The following ACOT9 variants were observed in gnomAD, a reference collection of about 807,000 sequenced individuals.
ACOT9 encodes acyl-CoA thioesterase 9.
A neutral mutation model predicts 39.7 loss-of-function variants in ACOT9; 34 were observed. That is an observed-to-expected ratio of 0.86 (90% CI 0.65 to 1.14). The LOEUF is 1.14. ACOT9 is among the 50% of genes most tolerant of loss of function. The pLI, the probability that ACOT9 is intolerant of heterozygous loss-of-function variation, is 0.00. For synonymous variants in ACOT9, 110 were observed against 120.5 expected (o/e 0.91, Z 0.57); for missense variants, 313 against 344.1 (o/e 0.91, Z 0.71).
intron 3 of ACOT9, 46 bp downstream of exon 3, chrX:23,734,295 A>G (rs1194676521): frequency 8.7e-7 from 1 of 1,144,515 alleles, no homozygotes; most frequent in Non-Finnish European, 1.2e-6. Context: ...GTGCTTACAA[A>G]ATTTAAGCTC....
intron 9 of ACOT9, among the ~76,000 whole-genome samples, chrX:23,710,376 G>T (rs1928852439): frequency 9.0e-6 from 1 of 111,694 alleles, no homozygotes. Flanking sequence ...CCTGGGGCAG[G>T]AAATACGTAA....
chrX:23,728,428 T>C (rs12009956), intron 6 of ACOT9, among the ~76,000 whole-genome samples: 17,373 of 109,529 alleles, frequency 0.16, 1,197 homozygotes, highest in East Asian at 0.33. Context: ...CCATAGGAAA[T>C]TGGTCACATA....
At chrX:23,713,072 T>C (rs1052594518) in intron 9 of ACOT9, 63 bp downstream of exon 9, 6 of 939,754 alleles carry the variant, frequency 6.4e-6, no homozygotes, top group Admixed American at 2.4e-5. Flanking sequence ...TATAGTTTTC[T>C]CTCCAGTCTT....
chrX:23,713,525 G>A (rs767983223), intron 8 of ACOT9, among the ~76,000 whole-genome samples: 1 of 102,948 alleles, frequency 9.7e-6, no homozygotes, highest in South Asian at 4.5e-4. Context: ...GTTGCAGTGA[G>A]CCGAGATTGC....
intron 1 of ACOT9, among the ~76,000 whole-genome samples, chrX:23,742,619 C>G (rs891531011): frequency 9.0e-6 from 1 of 111,493 alleles, no homozygotes; most frequent in Admixed American, 9.6e-5. Flanking sequence ...GGGTCCTAGA[C>G]GCACAGTCCT....
intron 2 of ACOT9, among the ~76,000 whole-genome samples, chrX:23,735,219 T>C (rs1601822139): frequency 2.8e-5 from 2 of 70,856 alleles, no homozygotes; most frequent in African/African-American, 1.2e-4. Flanking sequence ...CCAGCCTGGG[T>C]GACAGAGCAA....
At chrX:23,712,709 C>G (rs1928942897) in intron 9 of ACOT9, among the ~76,000 whole-genome samples, 1 of 111,965 alleles carries the variant, frequency 8.9e-6, no homozygotes, top group Non-Finnish European at 1.9e-5. Flanking sequence ...CAACTTCCAC[C>G]TCCCAGAGTC....
intron 8 of ACOT9, among the ~76,000 whole-genome samples, chrX:23,716,588 G>A (rs1929088910): frequency 8.9e-6 from 1 of 112,195 alleles, no homozygotes; most frequent in Admixed American, 9.5e-5. Flanking sequence ...CCAGTGGTGA[G>A]CATTAAGAAG....
chrX:23,708,019 T>C (rs905468181), intron 9 of ACOT9, 75 bp from the exon 10 acceptor site: 42 of 904,756 alleles, frequency 4.6e-5, no homozygotes, highest in Non-Finnish European at 6.2e-5. Context: ...AACAATCACC[T>C]ACTACTTTTA....
At position 23,743,263 on chromosome X, in the gene ACOT9, G is replaced by C. The variant is rs969469781; in HGVS notation, c.-119C>G. 2.2e-5 allele frequency: 21 copies of C among 942,705 alleles called. No homozygotes were observed. The African/African-American group carries it at 2.6e-4, about 12-fold the overall frequency. 77.7% of individuals were successfully genotyped at this position (942,705 alleles called of 1,213,427 possible). On this transcript the variant is annotated 5_prime_UTR_variant, in exon 1 of 16. Transcript: ENST00000379303. ...ACCGCGCCCTTGCTGAGGACAGCCC[G>C]GGAGCCGGACAGCGGTGTCCGGGGG...
chrX:23,740,242 G>A (rs1930088840), intron 1 of ACOT9, among the ~76,000 whole-genome samples: 1 of 109,039 alleles, frequency 9.2e-6, no homozygotes, highest in African/African-American at 3.3e-5. Flanking sequence ...GAGCAGCTGG[G>A]ATTACAGCTG....
chrX:23,705,018 C>T lies in ACOT9; in HGVS notation c.1082G>A (p.Gly361Asp). 1 of 1,211,122 alleles carries T rather than the reference C, an allele frequency of 8.3e-7. No homozygotes were observed. The highest frequency in any genetic ancestry group is 1.1e-6 in the Non-Finnish European group (1 of 895,196). ...DIMFQKPVEVGSLLFLSSQVC... is the reference protein window; with the variant it reads ...DIMFQKPVEVDSLLFLSSQVC... ...CTGTGAAGAAAGAAAGAGCAATGAGCCAACCTCAACAGGTTTCTGAAACAT... is the reference window on the plus strand; with the variant it reads ...CTGTGAAGAAAGAAAGAGCAATGAGTCAACCTCAACAGGTTTCTGAAACAT... Residue 361 changes from glycine (G) to aspartate (D), a missense_variant, in exon 14 of 16, where the codon GGC becomes GAC. Gly to Asp is a moderately conservative substitution (Grantham distance 94). Transcript: ENST00000379303.
chrX:23,708,775 C>T (rs1456864044), intron 9 of ACOT9, among the ~76,000 whole-genome samples: 1 of 111,099 alleles, frequency 9.0e-6, no homozygotes, highest in African/African-American at 3.3e-5. Context: ...TGTTGAATTT[C>T]TCAGATATAA....
intron 1 of ACOT9, among the ~76,000 whole-genome samples, chrX:23,742,205 T>TGAGGGAGAGAGAGAGAGA (rs1490829230): frequency 3.1e-5 from 2 of 65,559 alleles, no homozygotes; most frequent in Non-Finnish European, 5.5e-5. Context: ...CCAGGAACAG[T>TGAGGGAGAGAGAGAGAGA]GAGTGAGTGA....
intron 6 of ACOT9, among the ~76,000 whole-genome samples, chrX:23,728,174 A>G (rs1929602505): frequency 9.0e-6 from 1 of 110,740 alleles, no homozygotes; most frequent in African/African-American, 3.3e-5. Flanking sequence ...CCTTTTTCAG[A>G]CCCTTTCCCA....
At chrX:23,711,879 C>G (rs924029371) in intron 9 of ACOT9, among the ~76,000 whole-genome samples, 5 of 110,907 alleles carry the variant, frequency 4.5e-5, no homozygotes, top group African/African-American at 1.6e-4. Flanking sequence ...ACCAAATATG[C>G]TCAACCTAAA....
At chrX:23,721,451 T>C (rs1164883404) in intron 8 of ACOT9, among the ~76,000 whole-genome samples, 3 of 92,321 alleles carry the variant, frequency 3.2e-5, no homozygotes, top group African/African-American at 1.3e-4. Flanking sequence ...ATTTATATTA[T>C]TTTTCACTGT....
At chrX:23,710,947 G>T (rs1928872227) in intron 9 of ACOT9, among the ~76,000 whole-genome samples, 1 of 110,664 alleles carries the variant, frequency 9.0e-6, no homozygotes, top group African/African-American at 3.3e-5. Context: ...GCTGCAGTGA[G>T]CCATGCTCAT....
intron 2 of ACOT9, among the ~76,000 whole-genome samples, chrX:23,735,511 A>C (rs976599069): frequency 9.0e-5 from 10 of 111,664 alleles, no homozygotes; most frequent in Non-Finnish European, 3.8e-5. Flanking sequence ...AAGACAATCC[A>C]TAGTTTACGT....
Sources: gnomAD v4.1 joint callset for allele counts (sites outside exome capture counted in the v4.1 genomes callset) on GRCh38, gnomAD v4.1.1 for gene constraint, MANE v1.5 for transcripts, NCBI Gene and HGNC (gene_info 2026-07-23, HGNC 2026-07-21) for gene names.